Variants in ANXA2 observed in about 807,000 individuals in gnomAD.
ANXA2 encodes the protein annexin A2.
In ANXA2, 28 loss-of-function variants were observed where a neutral mutation model predicts 47.3. That is an observed-to-expected ratio of 0.59 (90% confidence interval 0.44 to 0.81). The LOEUF is 0.81. ANXA2 is among the 40% of genes least tolerant of loss of function. The probability of loss-of-function intolerance (pLI) is 0.00; values close to 1 mark genes in which losing one functional copy is unlikely to be tolerated. For missense variants in ANXA2, 384 were observed against 414.3 expected, an observed-to-expected ratio of 0.93 and a Z score of 0.64; for synonymous variants, 172 against 155.5, an observed-to-expected ratio of 1.11 and a Z score of -0.79.
intron 1 of ANXA2, chr15:60,391,422 T>TAATG (rs2063008715): frequency 6.6e-6 from 1 of 152,166 alleles, no homozygotes; most frequent in Non-Finnish European, 1.5e-5. Context: ...GGAAGAGGAA[T>TAATG]AATGCCCCAG....
chr15:60,370,017 T>G (rs1251776641), intron 3 of ANXA2, among the ~76,000 whole-genome samples: 1 of 152,218 alleles, frequency 6.6e-6, no homozygotes, highest in Non-Finnish European at 1.5e-5. Context: ...CCAGCACTGA[T>G]AGAATTTAAT....
chr15:60,395,001 A>G (rs1439533390), intron 1 of ANXA2, among the ~76,000 whole-genome samples: 1 of 151,662 alleles, frequency 6.6e-6, no homozygotes, highest in Non-Finnish European at 1.5e-5. Context: ...GTGAAAAAAA[A>G]GAGGAACATT....
chr15:60,347,806 C>G (rs1895789944), intron 12 of ANXA2, 117 bp from the exon 13 acceptor site: 1 of 896,196 alleles, frequency 1.1e-6, no homozygotes, highest in Non-Finnish European at 1.8e-6. Context: ...AGAGAAGACT[C>G]TGCAGGAGAC....
chr15:60,382,388 A>C lies in ANXA2; in HGVS notation c.102T>G (p.Asp34Glu). ...YGSVKAYTNF[D>E]AERDALNIET... Reference sequence around the variant, plus strand: ...CAATGTTCAAAGCATCCCGCTCAGCATCAAAGTTAGTATAGGCTTTGACAG... The same window carrying C: ...CAATGTTCAAAGCATCCCGCTCAGCCTCAAAGTTAGTATAGGCTTTGACAG... Residue 34 changes from aspartate (D) to glutamate (E), a missense_variant, in exon 3 of 13, where the codon GAT becomes GAG. Asp to Glu is a conservative substitution (Grantham distance 45). Transcript: ENST00000451270. 1 of 1,614,074 alleles carries C rather than the reference A, an allele frequency of 6.2e-7. No individual in the cohort carries two copies. The highest frequency in any genetic ancestry group is 8.5e-7 in the Non-Finnish European group (1 of 1,179,922).
intron 1 of ANXA2, chr15:60,390,278 T>C: frequency 9.5e-7 from 1 of 1,058,064 alleles, no homozygotes; most frequent in Non-Finnish European, 1.1e-6. Context: ...CATATAAATA[T>C]TTCCTACTTC....
chr15:60,356,348 C>T (rs965073969), intron 6 of ANXA2, among the ~76,000 whole-genome samples: 3 of 152,060 alleles, frequency 2.0e-5, no homozygotes, highest in African/African-American at 4.8e-5. Flanking sequence ...GGTCTACACA[C>T]GCACACACAC....
chr15:60,376,627 T>C (rs1445889243), intron 3 of ANXA2, among the ~76,000 whole-genome samples: 3 of 152,140 alleles, frequency 2.0e-5, no homozygotes, highest in Non-Finnish European at 4.4e-5. Flanking sequence ...CTCTCTCCTC[T>C]AACAGAGGGC....
Position 60,393,219 on chromosome 15 carries a change from T to C in ANXA2, c.-12+4724A>G, listed in dbSNP as rs376658301. 2.0e-5 allele frequency: 23 copies of C among 1,125,964 alleles called. No individual in the cohort carries two copies. In the East Asian group the frequency reaches 8.2e-4, roughly 40 times the overall value. 69.7% of individuals were successfully genotyped at this position (1,125,964 alleles called of 1,614,324 possible). A position where few individuals can be genotyped will look rare whatever the true frequency, so the allele number is the denominator to read the frequency against. On this transcript the variant is annotated intron_variant, in intron 1 of 12. Coordinates refer to ENST00000451270, the MANE Select transcript of ANXA2 (RefSeq NM_004039.3). ...TTCTGTGGCCTGATCTGAATCAATATTTGTTTGCTCCCTACTGACTTGTTG... is the reference window on the plus strand; with the variant it reads ...TTCTGTGGCCTGATCTGAATCAATACTTGTTTGCTCCCTACTGACTTGTTG...
chr15:60,369,796 TC>T (rs1430239913), intron 3 of ANXA2, among the ~76,000 whole-genome samples: 1 of 152,218 alleles, frequency 6.6e-6, no homozygotes, highest in Non-Finnish European at 1.5e-5. Context: ...AATCTACCTA[TC>T]TAAAAGACTT....
chr15:60,347,301 T>G lies in ANXA2; in HGVS notation c.*329A>C, dbSNP rs979795701. ...CCAAGCACGTTTAATTTTCAAACAA[T>G]TCAGTTGAAAGCAGGGCCACAAAGT... On this transcript the variant is annotated 3_prime_UTR_variant, in exon 13 of 13. Coordinates refer to ENST00000451270, the MANE Select transcript of ANXA2 (RefSeq NM_004039.3). The G allele has an allele frequency of 5.8e-6, 2 of 344,564 alleles. No homozygotes were observed. The highest frequency in any genetic ancestry group is 1.1e-5 in the Non-Finnish European group (2 of 186,618). 21.3% of individuals were successfully genotyped at this position (344,564 alleles called of 1,614,324 possible).
At position 60,347,455 on chromosome 15, in the gene ANXA2, A is replaced by AG; in HGVS notation, c.*174dup. On this transcript the variant is annotated 3_prime_UTR_variant, in exon 13 of 13. Coordinates refer to ENST00000451270, the MANE Select transcript of ANXA2 (RefSeq NM_004039.3). ...TGTTCATTTCTTTGGCTTACAGGAG[A>AG]GACTAGACAGGAAGGCCAGGCAATG... The AG allele has an allele frequency of 1.6e-6, 1 of 623,554 alleles. No individual in the cohort carries two copies. 38.6% of individuals were successfully genotyped at this position (623,554 alleles called of 1,614,324 possible).
At chr15:60,382,160 G>A (rs932309122) in intron 3 of ANXA2, among the ~76,000 whole-genome samples, 182 bp downstream of exon 3, 1 of 151,796 alleles carries the variant, frequency 6.6e-6, no homozygotes, top group Non-Finnish European at 1.5e-5. Context: ...AAAGGAAAAA[G>A]AAAGAAAGGA....
At chr15:60,386,135 C>T in intron 1 of ANXA2, 49 bp from the exon 2 acceptor site, 2 of 1,277,454 alleles carry the variant, frequency 1.6e-6, no homozygotes, top group Non-Finnish European at 2.3e-6. Flanking sequence ...CTCTCCTTTA[C>T]TCTGAAGCAC....
At position 60,352,332 on chromosome 15, in the gene ANXA2, C is replaced by G; in HGVS notation, c.682+51G>C. The G allele has an allele frequency of 7.4e-7, 1 of 1,353,650 alleles. No homozygotes were observed. The highest frequency in any genetic ancestry group is 1.0e-6 in the Non-Finnish European group (1 of 955,098). The allele number at this position is 1,353,650 out of a possible 1,614,324, so 83.9% of individuals were successfully genotyped here. On this transcript the variant is annotated intron_variant, in intron 9 of 12. Transcript: ENST00000451270. The surrounding 1 kb of genome is among the most constrained non-coding windows in gnomAD (Gnocchi z 4.2). The stretch of plus-strand genomic sequence containing the variant: ...ATCCCAACATGGACATCCACCCAGC[C>G]GCCCCAGCCAGGGCCCCAAGGCACT...
intron 1 of ANXA2, chr15:60,396,037 C>T (rs1402913077): frequency 3.3e-5 from 5 of 152,172 alleles, no homozygotes; most frequent in Non-Finnish European, 7.3e-5. Flanking sequence ...CTTAATATTG[C>T]CTGAATATTG....
intron 1 of ANXA2, among the ~76,000 whole-genome samples, chr15:60,394,953 T>G (rs16942555): frequency 0.15 from 23,196 of 152,092 alleles, 1,940 homozygotes; most frequent in African/African-American, 0.22. Flanking sequence ...ACAACTAGAA[T>G]AGGGTGTGGC....
At chr15:60,349,979 G>A (rs1595658705) in intron 11 of ANXA2, among the ~76,000 whole-genome samples, 1 of 1,572 alleles carries the variant, frequency 6.4e-4, no homozygotes, top group African/African-American at 3.4e-3. Context: ...GGGAGGGAGG[G>A]GAAGGCAGGG....
chr15:60,358,636 T>A (rs950788645), intron 5 of ANXA2, among the ~76,000 whole-genome samples: 1 of 152,180 alleles, frequency 6.6e-6, no homozygotes, highest in Non-Finnish European at 1.5e-5. Flanking sequence ...TCTTTCTGAG[T>A]TTTTAATCAT....
chr15:60,380,104 T>C (rs2062835019), intron 3 of ANXA2, among the ~76,000 whole-genome samples: 1 of 152,206 alleles, frequency 6.6e-6, no homozygotes. Context: ...GGATGGGTTT[T>C]AGGAAAGCAA....
Sources: allele counts gnomAD v4.1 joint callset (sites outside exome capture counted in the v4.1 genomes callset), GRCh38; gene constraint gnomAD v4.1.1; non-coding constraint Gnocchi (gnomAD v3.1); transcripts MANE v1.5; gene names NCBI Gene and HGNC (gene_info 2026-07-23, HGNC 2026-07-21).